Variants in C16orf96 observed in about 807,000 individuals in gnomAD.
C16orf96 encodes chromosome 16 open reading frame 96.
C16orf96 carries 108 observed loss-of-function variants against 103.6 expected under a neutral mutation model. That is an observed-to-expected ratio of 1.04 (90% confidence interval 0.89 to 1.22). The LOEUF (loss-of-function observed/expected upper bound fraction) is 1.22. C16orf96 is among the 50% of genes most tolerant of loss of function. The pLI, the probability that C16orf96 is intolerant of heterozygous loss-of-function variation, is 0.00. For synonymous variants in C16orf96, 566 were observed against 593.5 expected, an observed-to-expected ratio of 0.95 and a Z score of 0.67; for missense variants, 1,586 against 1,464.2, an observed-to-expected ratio of 1.08 and a Z score of -1.36.
At chr16:4,591,837 G>C (rs1294367010) in intron 10 of C16orf96, 53 bp downstream of exon 10, 1 of 1,334,794 alleles carries the variant, frequency 7.5e-7, no homozygotes, top group Non-Finnish European at 1.1e-6. Flanking sequence ...CCAGGCTGTG[G>C]GGAACACACC....
upstream of C16orf96, among the ~76,000 whole-genome samples, chr16:4,552,813 T>C (rs1020262842): frequency 2.0e-5 from 3 of 152,196 alleles, no homozygotes; most frequent in Admixed American, 2.0e-4. Flanking sequence ...TTCATATGCT[T>C]GCCAATGCTT....
At chr16:4,562,923 T>G in intron 1 of C16orf96, 1 of 1,416,174 alleles carries the variant, frequency 7.1e-7, no homozygotes, top group Non-Finnish European at 9.9e-7. Flanking sequence ...ACCTTCAGGA[T>G]CCATCCAATA....
the C16orf96 span, among the ~76,000 whole-genome samples, chr16:4,539,978 AACTCTAG>A: frequency 6.6e-6 from 1 of 152,116 alleles, no homozygotes; most frequent in Non-Finnish European, 1.5e-5. Context: ...ACCCTTTAAA[AACTCTAG>A]GCTCTGAATT....
chr16:4,587,769 T>TATGTTTTTATTC (rs1896963479), intron 8 of C16orf96, among the ~76,000 whole-genome samples: 2 of 151,746 alleles, frequency 1.3e-5, no homozygotes, highest in Non-Finnish European at 2.9e-5. Flanking sequence ...ATCACATCTC[T>TATGTTTTTATTC]ACAAAAAAAT....
At chr16:4,588,727 A>G (rs7187814) in intron 9 of C16orf96, among the ~76,000 whole-genome samples, 104,251 of 131,220 alleles carry the variant, frequency 0.79, 41,407 homozygotes, top group East Asian at 0.88. Context: ...TTTTTTTTTC[A>G]TACAGGGCCT....
At chr16:4,595,059 A>G (rs1344784090) in intron 14 of C16orf96, among the ~76,000 whole-genome samples, 1 of 152,150 alleles carries the variant, frequency 6.6e-6, no homozygotes, top group African/African-American at 2.4e-5. Flanking sequence ...TGGCCACAGG[A>G]CCATGGCCTG....
upstream of C16orf96, among the ~76,000 whole-genome samples, chr16:4,551,542 C>T (rs1320663106): frequency 6.6e-6 from 1 of 152,154 alleles, no homozygotes; most frequent in Non-Finnish European, 1.5e-5. Context: ...CGCTCCGCCT[C>T]CCAGGTTCAC....
chr16:4,551,807 T>C (rs1461653396), upstream of C16orf96, among the ~76,000 whole-genome samples: 1 of 152,164 alleles, frequency 6.6e-6, no homozygotes, highest in Non-Finnish European at 1.5e-5. Context: ...GTTTGTTACA[T>C]AGGTGTCCAT....
intron 7 of C16orf96, among the ~76,000 whole-genome samples, chr16:4,585,266 C>G (rs1359647114): frequency 5.0e-5 from 6 of 120,352 alleles, no homozygotes; most frequent in Non-Finnish European, 9.7e-5. Flanking sequence ...CAGCCTGAGG[C>G]AACATAGTGA....
chr16:4,570,405 A>G (rs2059425091), intron 1 of C16orf96, among the ~76,000 whole-genome samples: 1 of 148,846 alleles, frequency 6.7e-6, no homozygotes, highest in African/African-American at 2.5e-5. Flanking sequence ...TCTTCCAGAT[A>G]GTTTGGCCCT....
intron 14 of C16orf96, among the ~76,000 whole-genome samples, chr16:4,596,234 C>T (rs556953001): frequency 6.6e-6 from 1 of 152,126 alleles, no homozygotes; most frequent in Non-Finnish European, 1.5e-5. Flanking sequence ...CGCCTGTAAT[C>T]CCAGCACTTT....
chr16:4,587,533 A>C (rs1596534541), intron 8 of C16orf96, among the ~76,000 whole-genome samples: 1 of 8,430 alleles, frequency 1.2e-4, no homozygotes, highest in African/African-American at 2.0e-4. Context: ...CTGTCTCAAA[A>C]AAAAAAAAAA....
rs1157633890 is a variant in C16orf96, at chr16:4,593,405, T to C, written c.2867+89T>C. The C allele has an allele frequency of 2.2e-5, 28 of 1,259,778 alleles. No individual in the cohort carries two copies. Among genetic ancestry groups the C allele is most frequent in the Non-Finnish European group, 3.1e-5 (28 of 897,388 alleles). 78.0% of individuals were successfully genotyped at this position (1,259,778 alleles called of 1,614,324 possible). On this transcript the variant is annotated intron_variant, in intron 12 of 15. Transcript: ENST00000444310. The surrounding 1 kb of genome is among the most constrained non-coding windows in gnomAD (Gnocchi z 4.2). ...ACCCTGTTCCTGCAGAGACACATCC[T>C]CCAGGCCCAGGGACCTAAGATTGTC...
chr16:4,597,572 T>G (rs1367958321), intron 14 of C16orf96, among the ~76,000 whole-genome samples: 1 of 152,078 alleles, frequency 6.6e-6, no homozygotes, highest in African/African-American at 2.4e-5. Flanking sequence ...TTTTTTTTTT[T>G]TGAGACGGAG....
upstream of C16orf96, among the ~76,000 whole-genome samples, chr16:4,552,166 T>A (rs2059231955): frequency 6.6e-6 from 1 of 152,088 alleles, no homozygotes; most frequent in African/African-American, 2.4e-5. Flanking sequence ...CTTTTATGTA[T>A]GTAATTCCGC....
At chr16:4,547,696 CTTTCT>C in the C16orf96 span, among the ~76,000 whole-genome samples, 20 of 45,162 alleles carry the variant, frequency 4.4e-4, no homozygotes, top group Non-Finnish European at 7.2e-4. Context: ...TTCCTTCTTT[CTTTCT>C]TTCTTTCTTT....
intron 7 of C16orf96, among the ~76,000 whole-genome samples, chr16:4,585,447 A>G (rs538630217): frequency 1.6e-4 from 25 of 152,252 alleles, no homozygotes; most frequent in African/African-American, 6.0e-4. Flanking sequence ...ACAGAGCAAG[A>G]GCCTGCCTCA....
intron 7 of C16orf96, among the ~76,000 whole-genome samples, chr16:4,582,342 T>C (rs924854501): frequency 2.6e-5 from 4 of 151,482 alleles, no homozygotes; most frequent in African/African-American, 9.7e-5. Flanking sequence ...CCACCAAGGT[T>C]GTTTCCGTGA....
At chr16:4,565,889 C>G (rs1489037471) in intron 1 of C16orf96, among the ~76,000 whole-genome samples, 1 of 152,216 alleles carries the variant, frequency 6.6e-6, no homozygotes, top group African/African-American at 2.4e-5. Context: ...GTTGCCCTGG[C>G]TGAAGTTCAG....
Sources: gnomAD v4.1 joint callset for allele counts (sites outside exome capture counted in the v4.1 genomes callset) on GRCh38, gnomAD v4.1.1 for gene constraint, Gnocchi (gnomAD v3.1) non-coding constraint, MANE v1.5 for transcripts, NCBI Gene and HGNC (gene_info 2026-07-23, HGNC 2026-07-21) for gene names.